RAPGEF4: variants seen among roughly 807,000 people sequenced by gnomAD.
The protein encoded by RAPGEF4 is Rap guanine nucleotide exchange factor 4.
RAPGEF4 carries 66 observed loss-of-function variants against 147.9 expected under a neutral mutation model. The ratio of observed to expected loss-of-function variants is 0.45; its 90% CI spans 0.37 to 0.55. The LOEUF (loss-of-function observed/expected upper bound fraction) is 0.55, where lower values mean the gene tolerates loss of function less well. Among genes scored for constraint, RAPGEF4 ranks in the 20% least tolerant of loss-of-function variants. The pLI is 0.00. For missense variants in RAPGEF4, 1,071 were observed against 1,257.3 expected (o/e 0.85, Z 2.24); for synonymous variants, 419 against 442.7 (o/e 0.95, Z 0.67).
rs114281798 is a variant in RAPGEF4, at chr2:172,902,884, G to A, written c.445-14918G>A. Among the ~76,000 whole-genome samples, 212 of 152,250 alleles carry A rather than the reference G, an allele frequency of 1.4e-3. 1 individual carries two copies. The highest frequency in any genetic ancestry group is 4.7e-3 in the African/African-American group (197 of 41,528). On this transcript the variant is annotated intron_variant, in intron 4 of 30. Coordinates refer to ENST00000397081, the MANE Select transcript of RAPGEF4 (RefSeq NM_007023.4). ...GAGACTTCCAAAACCACACAGAGCTGTATTACGGTGATTCCTACTACATAT... is the reference window on the plus strand; with the variant it reads ...GAGACTTCCAAAACCACACAGAGCTATATTACGGTGATTCCTACTACATAT...
rs11332643 is a variant in RAPGEF4, at chr2:172,918,247, CTTTTTTTTTTTTT to C, written c.517+383_517+395del. On this transcript the variant is annotated intron_variant, in intron 5 of 30. Coordinates refer to ENST00000397081, the MANE Select transcript of RAPGEF4 (RefSeq NM_007023.4). ...GGATACCTGAGAGCCCCACCTCTTG[CTTTTTTTTTTTTT>C]TTTTTTTTTACTCTATTGATGAAGA... 1.7e-3 allele frequency among the ~76,000 whole-genome samples: 148 copies of C among 87,618 alleles called. 3 individuals are homozygous for C. The highest frequency in any genetic ancestry group is 6.0e-3 in the African/African-American group (133 of 22,250). 57.5% of individuals were successfully genotyped at this position (87,618 alleles called of 152,430 possible).
chr2:173,023,482 C>T (rs1345656506), intron 23 of RAPGEF4, among the ~76,000 whole-genome samples: 1 of 152,120 alleles, frequency 6.6e-6, no homozygotes, highest in Non-Finnish European at 1.5e-5. Flanking sequence ...CCAGGGTGAG[C>T]ATTTATATTC....
chr2:172,821,263 T>C (rs554708445), intron 4 of RAPGEF4, among the ~76,000 whole-genome samples: 11 of 152,232 alleles, frequency 7.2e-5, no homozygotes, highest in African/African-American at 2.4e-4. Flanking sequence ...GGGTATTGAG[T>C]TAGGAATGCC....
At chr2:172,747,076 T>TTATG (rs1292867317) in intron 1 of RAPGEF4, among the ~76,000 whole-genome samples, 1 of 152,190 alleles carries the variant, frequency 6.6e-6, no homozygotes, top group African/African-American at 2.4e-5. Flanking sequence ...ACTTAGTAAC[T>TTATG]TGATTCTTGG....
chr2:172,799,405 A>G (rs1328566545), intron 3 of RAPGEF4, among the ~76,000 whole-genome samples: 1 of 151,858 alleles, frequency 6.6e-6, no homozygotes, highest in African/African-American at 2.4e-5. Context: ...CCACCATTTG[A>G]CTCTTAAGAA....
At chr2:172,880,948 C>A (rs1282106039) in intron 4 of RAPGEF4, among the ~76,000 whole-genome samples, 1 of 152,142 alleles carries the variant, frequency 6.6e-6, no homozygotes, top group Admixed American at 6.5e-5. Context: ...TTTTTGAATA[C>A]CCCTTTAAAA....
intron 4 of RAPGEF4, among the ~76,000 whole-genome samples, chr2:172,904,897 A>C (rs1199944783): frequency 6.6e-6 from 1 of 151,674 alleles, no homozygotes; most frequent in Admixed American, 6.6e-5. Context: ...TGTTCTTGTC[A>C]CCTCTCTACT....
At chr2:172,896,242 AT>A (rs1032437450) in intron 4 of RAPGEF4, among the ~76,000 whole-genome samples, 4 of 152,210 alleles carry the variant, frequency 2.6e-5, no homozygotes, top group African/African-American at 9.6e-5. Flanking sequence ...ACAGAATAAA[AT>A]TACCCAGTGA....
At chr2:172,965,362 T>G in intron 8 of RAPGEF4, 200 bp from the exon 9 acceptor site, 1 of 652,860 alleles carries the variant, frequency 1.5e-6, no homozygotes, top group Admixed American at 2.5e-5. Flanking sequence ...TAAAGTTCTC[T>G]CATGAGCTGA....
intron 8 of RAPGEF4, among the ~76,000 whole-genome samples, chr2:172,962,796 T>C (rs1689431876): frequency 6.6e-6 from 1 of 152,154 alleles, no homozygotes; most frequent in Non-Finnish European, 1.5e-5. Context: ...GCCCTTTTTA[T>C]GTTGATATTA....
chr2:172,935,826 T>C, intron 6 of RAPGEF4, among the ~76,000 whole-genome samples: 1 of 152,242 alleles, frequency 6.6e-6, no homozygotes, highest in East Asian at 1.9e-4. Context: ...GCTCCAACAG[T>C]ACATGACATA....
At chr2:173,017,534 T>G (rs371065467) in intron 21 of RAPGEF4, 30 bp downstream of exon 21, 1 of 1,574,354 alleles carries the variant, frequency 6.4e-7, no homozygotes, top group African/African-American at 1.4e-5. Flanking sequence ...TAACTCGTAG[T>G]TGTATAGATT....
At chr2:172,944,674 G>T (rs1198024021) in intron 6 of RAPGEF4, among the ~76,000 whole-genome samples, 1 of 152,164 alleles carries the variant, frequency 6.6e-6, no homozygotes, top group Admixed American at 6.6e-5. Context: ...TAATCAAGGG[G>T]CTGTTGTAGC....
chr2:172,906,499 A>G (rs1351758911), intron 4 of RAPGEF4, among the ~76,000 whole-genome samples: 3 of 152,222 alleles, frequency 2.0e-5, no homozygotes, highest in Admixed American at 6.5e-5. Flanking sequence ...GGTTTCAGAC[A>G]TATCCCCAGG....
chr2:172,771,558 T>C (rs1404580041), intron 1 of RAPGEF4, among the ~76,000 whole-genome samples: 3 of 152,192 alleles, frequency 2.0e-5, no homozygotes, highest in Non-Finnish European at 4.4e-5. Flanking sequence ...AATGCATTTC[T>C]GTAATTAGGA....
chr2:172,820,144 A>G lies in RAPGEF4; in HGVS notation c.444+5719A>G, dbSNP rs77367383. On this transcript the variant is annotated intron_variant, in intron 4 of 30. Coordinates refer to ENST00000397081, the MANE Select transcript of RAPGEF4 (RefSeq NM_007023.4). ...ATGTTTTGACATCTTTACATGGAAT[A>G]TTTCAAATACATGAAATTGAATGAG... 4.6e-3 allele frequency among the ~76,000 whole-genome samples: 696 copies of G among 152,294 alleles called. 9 individuals are homozygous for G. Among genetic ancestry groups the G allele is most frequent in the African/African-American group, 0.016 (647 of 41,542 alleles).
At chr2:173,043,135 G>T (rs1354613840) in intron 29 of RAPGEF4, among the ~76,000 whole-genome samples, 1 of 152,194 alleles carries the variant, frequency 6.6e-6, no homozygotes, top group African/African-American at 2.4e-5. Flanking sequence ...TCCCAAATAT[G>T]TGGAGGTCTG....
At chr2:173,034,172 A>G (rs1683605698) in intron 27 of RAPGEF4, among the ~76,000 whole-genome samples, 1 of 152,174 alleles carries the variant, frequency 6.6e-6, no homozygotes, top group Non-Finnish European at 1.5e-5. Context: ...TATGTCCCAC[A>G]TAAGGTCAAT....
At chr2:172,977,523 G>A (rs909592692) in intron 10 of RAPGEF4, among the ~76,000 whole-genome samples, 4 of 152,012 alleles carry the variant, frequency 2.6e-5, no homozygotes, top group African/African-American at 4.8e-5. Context: ...CAGCAGCTCC[G>A]AGCCAGCAGC....
Sources: allele counts gnomAD v4.1 joint callset (sites outside exome capture counted in the v4.1 genomes callset), GRCh38; gene constraint gnomAD v4.1.1; transcripts MANE v1.5; gene names NCBI Gene and HGNC (gene_info 2026-07-23, HGNC 2026-07-21).